Variants in GABRB2 observed in about 807,000 individuals in gnomAD.
GABRB2 encodes gamma-aminobutyric acid type A receptor subunit beta2, also known as gamma-aminobutyric acid receptor subunit beta-2.
Under a neutral mutation model 54.7 loss-of-function variants are expected in GABRB2, and 16 were observed. The ratio of observed to expected loss-of-function variants is 0.29; its 90% CI spans 0.20 to 0.44. The LOEUF is 0.44. Among genes scored for constraint, GABRB2 ranks in the 20% least tolerant of loss-of-function variants. GABRB2 has a pLI of 1.00. For synonymous variants in GABRB2, 244 were observed against 233.8 expected (o/e 1.04, Z -0.40); for missense variants, 355 against 644.0 (o/e 0.55, Z 4.86).
intron 4 of GABRB2, among the ~76,000 whole-genome samples, chr5:161,449,731 T>G (rs2113231770): frequency 6.6e-6 from 1 of 152,034 alleles, no homozygotes; most frequent in East Asian, 1.9e-4. Context: ...CAAACATATC[T>G]ACAGACATAT....
chr5:161,307,921 C>A (rs1427422902), intron 9 of GABRB2, among the ~76,000 whole-genome samples: 1 of 149,348 alleles, frequency 6.7e-6, no homozygotes, highest in Admixed American at 6.7e-5. Context: ...TGCAGTGGAG[C>A]AATCTTGGCT....
chr5:161,517,396 G>C (rs1012200266), intron 3 of GABRB2, among the ~76,000 whole-genome samples: 5 of 152,180 alleles, frequency 3.3e-5, no homozygotes, highest in Non-Finnish European at 5.9e-5. Flanking sequence ...ATGTGAGCTA[G>C]ATTATAAGGG....
rs1336428760 is a variant in GABRB2, at chr5:161,290,842, CTCTT to C, written c.*3235_*3238del. 2 of 152,646 alleles carry C rather than the reference CTCTT, an allele frequency of 1.3e-5. No individual in the cohort carries two copies. The highest frequency in any genetic ancestry group is 4.8e-5 in the African/African-American group (2 of 41,554). The allele number at this position is 152,646 out of a possible 1,614,324, so 9.5% of individuals were successfully genotyped here. A position where few individuals can be genotyped will look rare whatever the true frequency, so the allele number is the denominator to read the frequency against. On this transcript the variant is annotated 3_prime_UTR_variant, in exon 10 of 10. Coordinates refer to ENST00000393959, the MANE Select transcript of GABRB2 (RefSeq NM_001371727.1). Reference sequence around the variant, plus strand: ...CATTTCCCCATTACGCATTCCACTGCTCTTTCTTTATGTGTTGTGCTTTTGTAAG... The same window carrying C: ...CATTTCCCCATTACGCATTCCACTGCTCTTTATGTGTTGTGCTTTTGTAAG...
chr5:161,406,712 C>G (rs977757652), intron 5 of GABRB2, among the ~76,000 whole-genome samples: 1 of 152,020 alleles, frequency 6.6e-6, no homozygotes. Flanking sequence ...CAGTGTCTCT[C>G]AGGTAATCAG....
intron 3 of GABRB2, among the ~76,000 whole-genome samples, chr5:161,537,229 T>C (rs1284848350): frequency 6.6e-6 from 1 of 152,200 alleles, no homozygotes; most frequent in African/African-American, 2.4e-5. Flanking sequence ...AGATTTCCAT[T>C]TTTAGCTGTC....
In GABRB2 at chr5:161,373,068, T is replaced by A. The variant is rs151299257; in HGVS notation, c.542-36299A>T. ...ACACACTTGCTATTGTATATATTGA[T>A]GCTTATTTTTTTTTCCACTTAGAAA... On this transcript the variant is annotated intron_variant, in intron 5 of 9. Transcript: ENST00000393959. Among the ~76,000 whole-genome samples, 8 of 152,376 alleles carry A rather than the reference T, an allele frequency of 5.3e-5. No homozygotes were observed. In the East Asian group the frequency reaches 1.3e-3, roughly 26 times the overall value.
rs758133298 is a variant in GABRB2, at chr5:161,294,252, C to T, written c.1368G>A (p.Leu456=). The part of the protein sequence containing the change: ...LPRHSFGRNA[L]ERHVAQKKSR... ...TTTTCTTTTGCGCCACATGTCGTTC[C>T]AGAGCATTTCGGCCAAAACTATGCC... Residue 456 remains leucine, a synonymous_variant, in exon 10 of 10, where the codon CTG becomes CTA. Coordinates refer to ENST00000393959, the MANE Select transcript of GABRB2 (RefSeq NM_001371727.1). 6.2e-7 allele frequency: 1 copy of T among 1,614,120 alleles called. No individual in the cohort carries two copies. The highest frequency in any genetic ancestry group is 8.5e-7 in the Non-Finnish European group (1 of 1,180,012).
rs1339563634 is a variant in GABRB2 at position 161,463,398 on chromosome 5, G to T, written c.238-3554C>A. Among the ~76,000 whole-genome samples the T allele has an allele frequency of 3.3e-5, 5 of 149,502 alleles. No individual in the cohort carries two copies. The East Asian group carries it at 9.9e-4, about 30-fold the overall frequency. ...CAATAAACAGAGAGAGATATTTCTG[G>T]ACTCACAAAGTGAATATTGTTAAGA... is the stretch of plus-strand genomic sequence containing the variant. On this transcript the variant is annotated intron_variant, in intron 3 of 9. Transcript: ENST00000393959.
intron 5 of GABRB2, among the ~76,000 whole-genome samples, chr5:161,407,641 G>C (rs1398003670): frequency 1.3e-5 from 2 of 151,918 alleles, no homozygotes; most frequent in Admixed American, 6.6e-5. Flanking sequence ...TAGAAAAATA[G>C]GCAGTATTCC....
intron 9 of GABRB2, among the ~76,000 whole-genome samples, chr5:161,316,291 T>C (rs1758025456): frequency 5.9e-5 from 9 of 152,182 alleles, no homozygotes; most frequent in Admixed American, 5.9e-4. Flanking sequence ...GATAATTAAT[T>C]TGTCTTCGTG....
chr5:161,387,339 C>T (rs59507309), intron 5 of GABRB2, among the ~76,000 whole-genome samples: 2,809 of 152,188 alleles, frequency 0.018, 103 homozygotes, highest in African/African-American at 0.064. Context: ...ACCAATATCA[C>T]GAAACATCCC....
At chr5:161,336,827 AC>A (rs1168714692) in intron 5 of GABRB2, 58 bp from the exon 6 acceptor site, 22 of 1,499,456 alleles carry the variant, frequency 1.5e-5, no homozygotes, top group Middle Eastern at 1.8e-4. Context: ...AAAAAAAAAA[AC>A]AGACAAAACA....
At chr5:161,546,802 TAAAA>T (rs56867928), upstream of GABRB2, 103 of 1,211,770 alleles carry the variant, frequency 8.5e-5, no homozygotes, top group Middle Eastern at 2.9e-4. Flanking sequence ...TTTCCTTGTT[TAAAA>T]AAAAAAAAAA....
chr5:161,505,731 A>G (rs1759586794), intron 3 of GABRB2, among the ~76,000 whole-genome samples: 2 of 152,184 alleles, frequency 1.3e-5, no homozygotes, highest in Non-Finnish European at 2.9e-5. Flanking sequence ...ACGTGGCAAA[A>G]TTCAACACTG....
rs1759581676 is a variant in GABRB2, at chr5:161,505,599, A to T, written c.237+39628T>A. 3.9e-5 allele frequency among the ~76,000 whole-genome samples: 6 copies of T among 152,230 alleles called. No individual in the cohort carries two copies. The South Asian group carries it at 1.2e-3, about 31-fold the overall frequency. Reference sequence around the variant, plus strand: ...TTAAAAGGGTAATAGAGCACGATAAAATAGAGTGTAGCCCAGAAATGTCAA... The same window carrying T: ...TTAAAAGGGTAATAGAGCACGATAATATAGAGTGTAGCCCAGAAATGTCAA... On this transcript the variant is annotated intron_variant, in intron 3 of 9. Transcript: ENST00000393959.
intron 5 of GABRB2, among the ~76,000 whole-genome samples, chr5:161,372,758 G>T (rs1209761449): frequency 1.3e-5 from 2 of 152,102 alleles, no homozygotes; most frequent in Non-Finnish European, 2.9e-5. Context: ...TTCCAGCTGG[G>T]TATTGTAATT....
chr5:161,408,183 G>A (rs185264888), intron 5 of GABRB2, among the ~76,000 whole-genome samples: 16 of 152,114 alleles, frequency 1.1e-4, no homozygotes, highest in African/African-American at 3.9e-4. Context: ...TTGAGTGCTG[G>A]CGTGACACTC....
chr5:161,326,653 T>TA (rs535546739), intron 8 of GABRB2, among the ~76,000 whole-genome samples, 172 bp from the exon 9 acceptor site: 1 of 152,092 alleles, frequency 6.6e-6, no homozygotes, highest in Non-Finnish European at 1.5e-5. Flanking sequence ...TGTTTTGTTT[T>TA]AAAAACATCA....
chr5:161,371,471 T>C (rs1057266793), intron 5 of GABRB2, among the ~76,000 whole-genome samples: 3 of 152,138 alleles, frequency 2.0e-5, no homozygotes, highest in South Asian at 4.1e-4. Flanking sequence ...GCTTATTGGT[T>C]TGAATTTCTA....
Sources: allele counts gnomAD v4.1 joint callset (sites outside exome capture counted in the v4.1 genomes callset), GRCh38; gene constraint gnomAD v4.1.1; transcripts MANE v1.5; gene names NCBI Gene and HGNC (gene_info 2026-07-23, HGNC 2026-07-21).